CTSC: variants seen among roughly 807,000 people sequenced by gnomAD.
CTSC encodes the protein cathepsin C.
CTSC carries 37 observed loss-of-function variants against 40.9 expected under a neutral mutation model. The observed-to-expected ratio is 0.91, with a 90% CI of 0.70 to 1.19. The LOEUF (loss-of-function observed/expected upper bound fraction) is 1.19, where lower values mean the gene tolerates loss of function less well. CTSC is among the 50% of genes most tolerant of loss of function. The pLI is 0.00. For synonymous variants in CTSC, 232 were observed against 207.4 expected (o/e 1.12, Z -1.02); for missense variants, 594 against 567.3 (o/e 1.05, Z -0.48).
rs189196955 is a variant in CTSC at position 88,302,334 on chromosome 11, C to T, written c.642-1689G>A. On this transcript the variant is annotated intron_variant, in intron 4 of 6. Coordinates refer to ENST00000227266, the MANE Select transcript of CTSC (RefSeq NM_001814.6). Reference sequence around the variant, plus strand: ...TTAGATATAACACAGGTTAAGAATACATGACAAGGGGCCAGGCGCGGTGGC... The same window carrying T: ...TTAGATATAACACAGGTTAAGAATATATGACAAGGGGCCAGGCGCGGTGGC... Among the ~76,000 whole-genome samples, 10 of 152,192 alleles carry T rather than the reference C, an allele frequency of 6.6e-5. No homozygotes were observed. The East Asian group carries it at 1.9e-3, about 29-fold the overall frequency.
At chr11:88,330,122 T>A (rs934806825) in intron 2 of CTSC, among the ~76,000 whole-genome samples, 6 of 152,204 alleles carry the variant, frequency 3.9e-5, no homozygotes, top group African/African-American at 1.2e-4. Context: ...GGCCTGTAGA[T>A]AGTATTGTCT....
chr11:88,296,137 A>C lies in CTSC; in HGVS notation c.885T>G (p.Ala295=). 1 of 1,613,866 alleles carries C rather than the reference A, an allele frequency of 6.2e-7. No homozygotes were observed. The change falls in exon 6 of 7, where the codon GCT becomes GCG. Residue 295 remains alanine, a synonymous_variant. Coordinates refer to ENST00000227266, the MANE Select transcript of CTSC (RefSeq NM_001814.6). The part of the protein sequence containing the change: ...PQEVVSCSQY[A]QGCEGGFPYL... The stretch of plus-strand genomic sequence containing the variant: ...TGTCTGAAATGCAACACTTACCTTG[A>C]GCATACTGGCTACAAGACACAACCT...
At chr11:88,320,526 T>C (rs1937977990) in intron 2 of CTSC, among the ~76,000 whole-genome samples, 1 of 152,228 alleles carries the variant, frequency 6.6e-6, no homozygotes, top group African/African-American at 2.4e-5. Context: ...CTCCAGGCTT[T>C]GGGGAACCCC....
rs191998802 is a variant in CTSC, at chr11:88,317,599, G to T, written c.319-5045C>A. ...GGGGGACCATCCACTGTACCCCTGT[G>T]ATTTTCTTGATTTGAATGTTTTCGG... On this transcript the variant is annotated intron_variant, in intron 2 of 6. Coordinates refer to ENST00000227266, the MANE Select transcript of CTSC (RefSeq NM_001814.6). Among the ~76,000 whole-genome samples, 258 of 152,280 alleles carry T rather than the reference G, an allele frequency of 1.7e-3. 1 individual carries two copies. Among genetic ancestry groups the T allele is most frequent in the African/African-American group, 5.6e-3 (231 of 41,566 alleles).
rs1938148350 is a variant in CTSC, at chr11:88,325,204, T to C, written c.318+9733A>G. On this transcript the variant is annotated intron_variant, in intron 2 of 6. Coordinates refer to ENST00000227266, the MANE Select transcript of CTSC (RefSeq NM_001814.6). ...TAATTAAGATTAGTAAATTTGACTA[T>C]GACACTTAGTTTGTACTTAATTTGA... is the stretch of plus-strand genomic sequence containing the variant. The C allele has an allele frequency of 3.0e-6, 3 of 984,976 alleles. No individual in the cohort carries two copies. The African/African-American group carries it at 5.2e-5, about 17-fold the overall frequency. 61.0% of individuals were successfully genotyped at this position (984,976 alleles called of 1,614,324 possible). A position where few individuals can be genotyped will look rare whatever the true frequency, so the allele number is the denominator to read the frequency against.
At chr11:88,300,733 G>A (rs1195109571) in intron 4 of CTSC, 88 bp from the exon 5 acceptor site, 1 of 854,356 alleles carries the variant, frequency 1.2e-6, no homozygotes, top group African/African-American at 1.7e-5. Context: ...TATGATTTCA[G>A]CTACCAGACT....
intron 2 of CTSC, chr11:88,322,829 C>T (rs1591236984): frequency 6.6e-6 from 1 of 152,162 alleles, no homozygotes; most frequent in Non-Finnish European, 1.5e-5. Flanking sequence ...CAGTTGAATT[C>T]TACCAGAGGT....
intron 2 of CTSC, chr11:88,324,424 C>T: frequency 1.0e-6 from 1 of 981,470 alleles, no homozygotes; most frequent in Non-Finnish European, 1.2e-6. Flanking sequence ...AGGAAGGTAA[C>T]CTGATAATAT....
intron 5 of CTSC, chr11:88,299,182 G>A (rs1944330898): frequency 6.6e-6 from 1 of 152,126 alleles, no homozygotes; most frequent in African/African-American, 2.4e-5. Context: ...ATGCTATCAT[G>A]TGCCAGGACC....
chr11:88,320,932 A>G (rs1464225980), intron 2 of CTSC: 1 of 971,094 alleles, frequency 1.0e-6, no homozygotes, highest in Non-Finnish European at 1.2e-6. Flanking sequence ...GCCCTAATGA[A>G]GTTTAAAGAC....
intron 2 of CTSC, chr11:88,325,114 G>A (rs1215863815): frequency 4.1e-6 from 4 of 985,160 alleles, no homozygotes; most frequent in Non-Finnish European, 3.6e-6. Context: ...AACCAACAGA[G>A]CAGGAAACAA....
intron 2 of CTSC, chr11:88,320,864 G>T: frequency 2.4e-6 from 2 of 816,486 alleles, no homozygotes; most frequent in African/African-American, 1.9e-5. Context: ...CTTATTATTG[G>T]TCATATATCG....
chr11:88,314,833 T>C (rs764456096), intron 2 of CTSC, among the ~76,000 whole-genome samples: 81 of 152,212 alleles, frequency 5.3e-4, no homozygotes, highest in Non-Finnish European at 5.0e-4. Context: ...CAGCTGGTTG[T>C]TCATGATATT....
At chr11:88,333,402 AAAG>A (rs1297240125) in intron 2 of CTSC, among the ~76,000 whole-genome samples, 12 of 152,304 alleles carry the variant, frequency 7.9e-5, no homozygotes, top group Non-Finnish European at 1.5e-4. Flanking sequence ...ATTGTGTGTC[AAAG>A]AAGAAGGGAT....
intron 2 of CTSC, among the ~76,000 whole-genome samples, chr11:88,328,783 A>G (rs1174302680): frequency 1.3e-5 from 2 of 152,050 alleles, no homozygotes; most frequent in Non-Finnish European, 1.5e-5. Flanking sequence ...GTGCACCACC[A>G]CACCCGGCTA....
intron 3 of CTSC, among the ~76,000 whole-genome samples, chr11:88,311,485 TAAC>T (rs1029666908): frequency 5.3e-5 from 8 of 152,340 alleles, no homozygotes; most frequent in Admixed American, 1.3e-4. Flanking sequence ...ACAGAAAAAG[TAAC>T]AACATTTCAT....
intron 2 of CTSC, among the ~76,000 whole-genome samples, chr11:88,313,462 A>G (rs1437763198): frequency 2.0e-5 from 3 of 152,196 alleles, no homozygotes; most frequent in Non-Finnish European, 4.4e-5. Context: ...TTTACACTTT[A>G]TTTCAGTAAT....
At chr11:88,316,108 C>T (rs1349441219) in intron 2 of CTSC, among the ~76,000 whole-genome samples, 1 of 152,100 alleles carries the variant, frequency 6.6e-6, no homozygotes, top group Non-Finnish European at 1.5e-5. Flanking sequence ...TAGCAGTCCT[C>T]ATAGGTGTTC....
chr11:88,321,074 C>A, intron 2 of CTSC: 1 of 975,290 alleles, frequency 1.0e-6, no homozygotes, highest in Non-Finnish European at 1.2e-6. Context: ...CATGTTGATG[C>A]AAAATTACTC....
Sources: gnomAD v4.1 joint callset for allele counts (sites outside exome capture counted in the v4.1 genomes callset) on GRCh38, gnomAD v4.1.1 for gene constraint, MANE v1.5 for transcripts, NCBI Gene and HGNC (gene_info 2026-07-23, HGNC 2026-07-21) for gene names.